The following ZNF586 variants were observed in gnomAD, a reference collection of about 807,000 sequenced individuals.
ZNF586 encodes the protein zinc finger protein 586.
ZNF586 carries 7 observed loss-of-function variants against 6.7 expected under a neutral mutation model. The ratio of observed to expected loss-of-function variants is 1.04; its 90% CI spans 0.59 to 1.95. The LOEUF (loss-of-function observed/expected upper bound fraction) is 1.95, where lower values mean the gene tolerates loss of function less well. Ranked by LOEUF, ZNF586 falls within the 30% of genes most tolerant of loss-of-function variation. The probability of loss-of-function intolerance (pLI) is 0.00; values close to 1 mark genes in which losing one functional copy is unlikely to be tolerated. For missense variants in ZNF586, 442 were observed against 489.6 expected (o/e 0.90, Z 0.92); for synonymous variants, 166 against 168.7 (o/e 0.98, Z 0.12).
intron 2 of ZNF586, among the ~76,000 whole-genome samples, chr19:57,777,614 G>A (rs1987264296): frequency 6.6e-6 from 1 of 151,896 alleles, no homozygotes; most frequent in African/African-American, 2.4e-5. Context: ...TGTTGCTTCT[G>A]CTGTTACATC....
intron 1 of ZNF586, among the ~76,000 whole-genome samples, chr19:57,771,719 A>G (rs771190671): frequency 7.2e-5 from 11 of 152,284 alleles, no homozygotes; most frequent in Non-Finnish European, 1.5e-4. Flanking sequence ...GGGAGGAGGA[A>G]GATCAAACTG....
At chr19:57,778,441 C>G (rs1227832905) in intron 2 of ZNF586, among the ~76,000 whole-genome samples, 1 of 151,992 alleles carries the variant, frequency 6.6e-6, no homozygotes, top group East Asian at 1.9e-4. Flanking sequence ...TTGGGGGGGG[C>G]CTGGACATAT....
intron 2 of ZNF586, 118 bp from the exon 3 acceptor site, chr19:57,778,633 T>G: frequency 1.1e-6 from 1 of 924,686 alleles, no homozygotes; most frequent in Non-Finnish European, 1.6e-6. Flanking sequence ...TGAACCCAAC[T>G]CCCTGTTTGT....
In ZNF586 at chr19:57,778,919, A is replaced by G. The variant is rs1987305723; in HGVS notation, c.332A>G (p.Lys111Arg). Reference protein sequence around the residue: ...SCLTEPRRDHKHRNVRTGERP... With the variant: ...SCLTEPRRDHRHRNVRTGERP... ...CTCACTGAACCCAGAAGAGATCACAAACACAGGAATGTTCGCACTGGAGAA... is the reference window on the plus strand; with the variant it reads ...CTCACTGAACCCAGAAGAGATCACAGACACAGGAATGTTCGCACTGGAGAA... The change falls in exon 3 of 3, where the codon AAA (lysine) becomes AGA (arginine). Residue 111 changes from lysine to arginine, a missense_variant. Transcript: ENST00000396154. 4 of 1,614,178 alleles carry G rather than the reference A, an allele frequency of 2.5e-6. No homozygotes were observed. In the East Asian group the frequency reaches 8.9e-5, roughly 36 times the overall value.
intron 1 of ZNF586, among the ~76,000 whole-genome samples, chr19:57,772,077 C>T (rs773980226): frequency 6.6e-6 from 1 of 152,136 alleles, no homozygotes; most frequent in Non-Finnish European, 1.5e-5. Flanking sequence ...CCGCCTTGGC[C>T]TCCCAAAGTG....
Position 57,779,024 on chromosome 19 carries a change from G to T in ZNF586, c.437G>T (p.Gly146Val). Residue 146 changes from glycine to valine, a missense_variant, in exon 3 of 3, where the codon GGG becomes GTG. Physicochemically the swap from Gly to Val is moderately radical, Grantham distance 109 (BLOSUM62 -3). Transcript: ENST00000396154. ...CATATTCATGAGAGATTTCATACTG[G>T]GCAAAAGACCTATGAGTGCAGTGAG... is the stretch of plus-strand genomic sequence containing the variant. Reference protein sequence around the residue: ...TLHIHERFHTGQKTYECSECG... With the variant: ...TLHIHERFHTVQKTYECSECG... 6.2e-7 allele frequency: 1 copy of T among 1,614,060 alleles called. No individual in the cohort carries two copies. Among genetic ancestry groups the T allele is most frequent in the Non-Finnish European group, 8.5e-7 (1 of 1,180,038 alleles).
At chr19:57,771,230 G>A (rs1477191233) in intron 1 of ZNF586, among the ~76,000 whole-genome samples, 2 of 151,502 alleles carry the variant, frequency 1.3e-5, no homozygotes, top group Admixed American at 1.3e-4. Context: ...GAACCCGGGA[G>A]GCAGAGGTTG....
chr19:57,777,602 C>T (rs907112604), intron 2 of ZNF586, among the ~76,000 whole-genome samples: 1 of 152,044 alleles, frequency 6.6e-6, no homozygotes, highest in South Asian at 2.1e-4. Flanking sequence ...AGTCCTACAC[C>T]TTGTTGCTTC....
At position 57,779,367 on chromosome 19, in the gene ZNF586, G is replaced by A. The variant is rs956678112; in HGVS notation, c.780G>A (p.Arg260=). The change falls in exon 3 of 3, where the codon AGG becomes AGA. Residue 260 remains arginine, a synonymous_variant. Transcript: ENST00000396154. ...IKHLRVHTGE[R]PYECVECGKS... ...ACTTGAGAGTTCACACAGGAGAAAG[G>A]CCTTATGAATGCGTTGAGTGTGGAA... 3.7e-6 allele frequency: 6 copies of A among 1,612,764 alleles called. No homozygotes were observed. Among genetic ancestry groups the A allele is most frequent in the African/African-American group, 1.3e-5 (1 of 74,380 alleles).
At chr19:57,770,153 A>ATT (rs1987054840) in intron 1 of ZNF586, among the ~76,000 whole-genome samples, 2 of 84,328 alleles carry the variant, frequency 2.4e-5, no homozygotes, top group South Asian at 3.9e-4. Flanking sequence ...ATACGGAGTT[A>ATT]TTTCTTTTTT....
At chr19:57,772,434 G>A (rs1987119218) in intron 1 of ZNF586, among the ~76,000 whole-genome samples, 1 of 151,960 alleles carries the variant, frequency 6.6e-6, no homozygotes, top group Non-Finnish European at 1.5e-5. Context: ...ATCCCACAGG[G>A]TGAAGTCTCA....
chr19:57,770,352 T>G (rs1295146088), intron 1 of ZNF586, among the ~76,000 whole-genome samples: 1 of 151,962 alleles, frequency 6.6e-6, no homozygotes, highest in East Asian at 1.9e-4. Context: ...CTCGAACTCC[T>G]GACCTTAGGT....
chr19:57,774,707 T>C (rs1987185683), intron 1 of ZNF586: 2 of 981,322 alleles, frequency 2.0e-6, no homozygotes, highest in East Asian at 1.1e-4. Context: ...GGGCTACCAT[T>C]GCTATTGAGA....
chr19:57,778,692 G>T, intron 2 of ZNF586, 59 bp from the exon 3 acceptor site: 1 of 1,486,324 alleles, frequency 6.7e-7, no homozygotes, highest in East Asian at 2.3e-5. Flanking sequence ...TACTCTTGTG[G>T]GTAGGCTGCA....
rs769046855 is a variant in ZNF586 at position 57,779,651 on chromosome 19, C to T, written c.1064C>T (p.Ala355Val). ...TGCAGTGACTGTGGGAAATCCTTTGCTGAAAACTCCAGCCTTATTAAACAC... is the reference window on the plus strand; with the variant it reads ...TGCAGTGACTGTGGGAAATCCTTTGTTGAAAACTCCAGCCTTATTAAACAC... ...YECSDCGKSF[A>V]ENSSLIKHLR... The change falls in exon 3 of 3, where the codon GCT becomes GTT. Residue 355 changes from alanine to valine, a missense_variant. Coordinates refer to ENST00000396154, the MANE Select transcript of ZNF586 (RefSeq NM_017652.4). 5.0e-6 allele frequency: 8 copies of T among 1,613,688 alleles called. 2 individuals carry two copies. In the South Asian group the frequency reaches 8.8e-5, roughly 18 times the overall value.
Position 57,769,721 on chromosome 19 carries a change from A to AGGAG in ZNF586, c.-121_-118dup. 9.6e-7 allele frequency: 1 copy of AGGAG among 1,039,212 alleles called. No homozygotes were observed. Among genetic ancestry groups the AGGAG allele is most frequent in the Non-Finnish European group, 1.4e-6 (1 of 698,394 alleles). 64.4% of individuals were successfully genotyped at this position (1,039,212 alleles called of 1,614,324 possible). A position where few individuals can be genotyped will look rare whatever the true frequency, so the allele number is the denominator to read the frequency against. The stretch of plus-strand genomic sequence containing the variant: ...GATGCTGGGTCTGGACGAGCTCGGG[A>AGGAG]GGAGTGGTTGTGGCCATTGCACACA... On this transcript the variant is annotated 5_prime_UTR_variant, in exon 1 of 3. Transcript: ENST00000396154.
In ZNF586 at chr19:57,778,767, G is replaced by T. The variant is rs376190315; in HGVS notation, c.180G>T (p.Gly60=). The T allele has an allele frequency of 1.9e-6, 3 of 1,605,252 alleles. No homozygotes were observed. Among genetic ancestry groups the T allele is most frequent in the Non-Finnish European group, 2.6e-6 (3 of 1,175,482 alleles). ...TGCTTTTAGGTTGTTGGCATGGAGG[G>T]GAAGATGAGGCAGCACCTTCTAAGC... The part of the protein sequence containing the change: ...LISSLGCWHG[G]EDEAAPSKQS... Residue 60 remains glycine, a synonymous_variant, in exon 3 of 3, where the codon GGG becomes GGT. Coordinates refer to ENST00000396154, the MANE Select transcript of ZNF586 (RefSeq NM_017652.4).
chr19:57,771,485 C>A (rs527778828), intron 1 of ZNF586, among the ~76,000 whole-genome samples: 2 of 152,146 alleles, frequency 1.3e-5, no homozygotes, highest in East Asian at 1.9e-4. Context: ...ATCTGGGGAT[C>A]TTGGAAAAAC....
rs1312340066 is a variant in ZNF586 at position 57,778,998 on chromosome 19, C to G, written c.411C>G (p.Leu137=). The change falls in exon 3 of 3, where the codon CTC becomes CTG. Residue 137 remains leucine, a synonymous_variant. Transcript: ENST00000396154. ...YGKLFHQKPT[L]HIHERFHTGQ... ...AATTATTTCACCAAAAGCCTACACT[C>G]CATATTCATGAGAGATTTCATACTG... is the stretch of plus-strand genomic sequence containing the variant. The G allele has an allele frequency of 6.2e-7, 1 of 1,613,934 alleles. No individual in the cohort carries two copies. Among genetic ancestry groups the G allele is most frequent in the Non-Finnish European group, 8.5e-7 (1 of 1,179,990 alleles).
Sources: allele counts gnomAD v4.1 joint callset (sites outside exome capture counted in the v4.1 genomes callset), GRCh38; gene constraint gnomAD v4.1.1; transcripts MANE v1.5; gene names NCBI Gene and HGNC (gene_info 2026-07-23, HGNC 2026-07-21).